The following PIEZO2 variants were observed in gnomAD, a reference collection of about 807,000 sequenced individuals.
The protein encoded by PIEZO2 is piezo-type mechanosensitive ion channel component 2.
Under a neutral mutation model 337.3 loss-of-function variants are expected in PIEZO2, and 172 were observed. That is an observed-to-expected ratio of 0.51 (90% CI 0.45 to 0.58). The LOEUF is 0.58. Ranked by LOEUF, PIEZO2 falls within the 20% of genes least tolerant of loss-of-function variation. The probability of loss-of-function intolerance (pLI) is 0.00; values close to 1 mark genes in which losing one functional copy is unlikely to be tolerated. For missense variants in PIEZO2, 3,028 were observed against 3,391.3 expected, an observed-to-expected ratio of 0.89 and a Z score of 2.66; for synonymous variants, 1,251 against 1,228.5, an observed-to-expected ratio of 1.02 and a Z score of -0.38.
intron 7 of PIEZO2, among the ~76,000 whole-genome samples, chr18:10,835,856 G>A (rs2040994423): frequency 6.6e-6 from 1 of 152,184 alleles, no homozygotes; most frequent in African/African-American, 2.4e-5. Context: ...TTTAAATTTC[G>A]AGTAATTTGT....
rs115888967 is a variant in PIEZO2 at position 10,780,220 on chromosome 18, T to C, written c.2534+105A>G. Reference sequence around the variant, plus strand: ...CCATGAGCATACCTGAAGACCAGTGTCCACTATCTGACAACACGATTTTCA... The same window carrying C: ...CCATGAGCATACCTGAAGACCAGTGCCCACTATCTGACAACACGATTTTCA... On this transcript the variant is annotated intron_variant, in intron 18 of 55. Transcript: ENST00000674853. 3.6e-3 allele frequency: 2,412 copies of C among 678,952 alleles called. 47 individuals are homozygous for C. The African/African-American group carries it at 0.037, about 10-fold the overall frequency. 42.1% of individuals were successfully genotyped at this position (678,952 alleles called of 1,614,324 possible). A position where few individuals can be genotyped will look rare whatever the true frequency, so the allele number is the denominator to read the frequency against.
chr18:11,000,339 G>T (rs1568282060), intron 2 of PIEZO2, among the ~76,000 whole-genome samples: 2 of 152,098 alleles, frequency 1.3e-5, no homozygotes, highest in South Asian at 2.1e-4. Flanking sequence ...AAGAAAGTAG[G>T]TTTTTTCCTT....
At chr18:10,825,052 T>C (rs1395654912) in intron 7 of PIEZO2, among the ~76,000 whole-genome samples, 1 of 152,058 alleles carries the variant, frequency 6.6e-6, no homozygotes, top group East Asian at 1.9e-4. Flanking sequence ...TTCATAGAGA[T>C]GGGGTTTCAC....
At chr18:11,134,663 T>C (rs1333712424) in intron 1 of PIEZO2, among the ~76,000 whole-genome samples, 1 of 152,210 alleles carries the variant, frequency 6.6e-6, no homozygotes, top group Admixed American at 6.5e-5. Flanking sequence ...CTGCACGTTG[T>C]ACTAAACTCT....
intron 1 of PIEZO2, among the ~76,000 whole-genome samples, chr18:11,137,559 C>T (rs566413297): frequency 7.1e-4 from 108 of 152,310 alleles, no homozygotes; most frequent in Non-Finnish European, 1.4e-3. Flanking sequence ...GTTCGTTAGA[C>T]CTTCAAACCT....
At chr18:11,139,794 G>A (rs1051635044) in intron 1 of PIEZO2, among the ~76,000 whole-genome samples, 2 of 152,178 alleles carry the variant, frequency 1.3e-5, no homozygotes, top group African/African-American at 2.4e-5. Context: ...GTGATTGAGG[G>A]ACCGTGACTC....
chr18:11,057,957 A>G (rs1304401886), intron 2 of PIEZO2, among the ~76,000 whole-genome samples: 2 of 152,246 alleles, frequency 1.3e-5, no homozygotes, highest in African/African-American at 2.4e-5. Flanking sequence ...ATGGGAAAGC[A>G]TCTAATAATA....
rs1339807199 is a variant in PIEZO2 at position 11,001,603 on chromosome 18, TGTG to T, written c.161-21946_161-21944del. 6.6e-6 allele frequency among the ~76,000 whole-genome samples: 1 copy of T among 151,982 alleles called. No individual in the cohort carries two copies. Among genetic ancestry groups the T allele is most frequent in the Non-Finnish European group, 1.5e-5 (1 of 67,996 alleles). On this transcript the variant is annotated intron_variant, in intron 2 of 55. Transcript: ENST00000674853. The surrounding 1 kb of genome is among the most constrained non-coding windows in gnomAD (Gnocchi z 5.3). ...TTCTAAAATCTTTTGTCAAGCAGGGTGTGGTGGCTCGTGCCTGTAATCTCAGCA... is the reference window on the plus strand; with the variant it reads ...TTCTAAAATCTTTTGTCAAGCAGGGTGTGGCTCGTGCCTGTAATCTCAGCA...
chr18:10,934,636 C>T (rs1244550106), intron 3 of PIEZO2, among the ~76,000 whole-genome samples: 4 of 130,824 alleles, frequency 3.1e-5, no homozygotes, highest in African/African-American at 5.9e-5. Flanking sequence ...ATTGTGTGTA[C>T]GTGTGTGTGT....
In PIEZO2 at chr18:10,689,646, G is replaced by A. The variant is rs754525874; in HGVS notation, c.7497+9C>T. 2.5e-6 allele frequency: 4 copies of A among 1,614,104 alleles called. No homozygotes were observed. In the South Asian group the frequency reaches 3.3e-5, roughly 13 times the overall value. ...AGACAGGAATAAGGCACATCTCCTG[G>A]CTTCTTACCTTCTCCGACTCCCGCC... On this transcript the variant is annotated intron_variant, in intron 49 of 55. Transcript: ENST00000674853.
chr18:11,058,153 A>G (rs754967), intron 2 of PIEZO2, among the ~76,000 whole-genome samples: 116,991 of 152,210 alleles, frequency 0.77, 46,189 homozygotes, highest in East Asian at 0.99. Context: ...ACCAGTATCC[A>G]CTGTTCTGCA....
intron 2 of PIEZO2, among the ~76,000 whole-genome samples, chr18:10,996,406 C>T (rs933093525): frequency 1.6e-4 from 25 of 152,154 alleles, no homozygotes; most frequent in African/African-American, 6.0e-4. Context: ...AATTCAATGG[C>T]ATTTAGTCCA....
intron 2 of PIEZO2, among the ~76,000 whole-genome samples, chr18:11,019,416 G>A (rs77021785): frequency 0.02 from 3,036 of 152,226 alleles, 102 homozygotes; most frequent in African/African-American, 0.069. Flanking sequence ...GCATCCTTTT[G>A]GATCACTGGA....
intron 38 of PIEZO2, 89 bp downstream of exon 38, chr18:10,715,561 T>A: frequency 8.1e-7 from 1 of 1,232,330 alleles, no homozygotes; most frequent in Non-Finnish European, 1.1e-6. Context: ...GAAAGGGCTT[T>A]GTCTTATCCT....
chr18:10,956,950 C>T (rs1344542095), intron 3 of PIEZO2, among the ~76,000 whole-genome samples: 2 of 127,064 alleles, frequency 1.6e-5, no homozygotes, highest in Non-Finnish European at 3.3e-5. Flanking sequence ...GCCTAGGCAA[C>T]AAGAGCAAAA....
In PIEZO2 at chr18:10,774,139, A is replaced by T. The variant is rs759355155; in HGVS notation, c.2535-101T>A. The T allele has an allele frequency of 6.4e-5, 44 of 683,492 alleles. No homozygotes were observed. The Admixed American group carries it at 9.2e-4, about 14-fold the overall frequency. 42.3% of individuals were successfully genotyped at this position (683,492 alleles called of 1,614,324 possible). ...CATATCATGCTACATATCATCCACT[A>T]TTGCATTCCTGTATGCCTGTTGCAG... On this transcript the variant is annotated intron_variant, in intron 18 of 55. Coordinates refer to ENST00000674853, the MANE Select transcript of PIEZO2 (RefSeq NM_001378183.1).
At chr18:10,674,641 A>T (rs543883730) in intron 54 of PIEZO2, among the ~76,000 whole-genome samples, 1 of 152,362 alleles carries the variant, frequency 6.6e-6, no homozygotes, top group East Asian at 1.9e-4. Flanking sequence ...TGTGTGCCAG[A>T]TAACTGCACT....
intron 2 of PIEZO2, among the ~76,000 whole-genome samples, chr18:11,051,289 G>A (rs930972613): frequency 1.3e-5 from 2 of 151,614 alleles, no homozygotes; most frequent in Non-Finnish European, 2.9e-5. Context: ...TGGATAAGAC[G>A]ACAACTTTGT....
In PIEZO2 at chr18:10,943,323, A is replaced by C. The variant is rs964337686; in HGVS notation, c.287-32095T>G. On this transcript the variant is annotated intron_variant, in intron 3 of 55. Transcript: ENST00000674853. This position sits in a 1 kb window ranked among gnomAD's most constrained non-coding sequence, Gnocchi z 4.5. ...TCAACTCCAACCAGTGAAAGCAGCC[A>C]AGAGGGAGGCTGTACCCTGCAAAGC... Among the ~76,000 whole-genome samples the C allele has an allele frequency of 4.6e-5, 7 of 152,196 alleles. No individual in the cohort carries two copies. Among genetic ancestry groups the C allele is most frequent in the Admixed American group, 3.9e-4 (6 of 15,284 alleles).
Sources: gnomAD v4.1 joint callset for allele counts (sites outside exome capture counted in the v4.1 genomes callset) on GRCh38, gnomAD v4.1.1 for gene constraint, Gnocchi (gnomAD v3.1) non-coding constraint, MANE v1.5 for transcripts, NCBI Gene and HGNC (gene_info 2026-07-23, HGNC 2026-07-21) for gene names.